TMEM272: variants seen among roughly 807,000 people sequenced by gnomAD.
The protein encoded by TMEM272 is long intergenic non-protein coding RNA 282.
TMEM272 carries 8 observed loss-of-function variants against 3.7 expected under a neutral mutation model. The ratio of observed to expected loss-of-function variants is 2.17; its 90% CI spans 1.27 to 3.91. The LOEUF (loss-of-function observed/expected upper bound fraction) is 3.91. Ranked by LOEUF, TMEM272 falls within the 30% of genes most tolerant of loss-of-function variation. TMEM272 has a pLI of 0.00. For synonymous variants in TMEM272, 63 were observed against 39.8 expected, an observed-to-expected ratio of 1.58 and a Z score of -2.20; for missense variants, 166 against 91.5, an observed-to-expected ratio of 1.81 and a Z score of -3.32.
the TMEM272 span, among the ~76,000 whole-genome samples, chr13:51,905,270 G>C: frequency 2.0e-5 from 3 of 152,204 alleles, no homozygotes; most frequent in Non-Finnish European, 2.9e-5. Context: ...GGGCCCAGAG[G>C]CAGGACTTCA....
chr13:51,834,206 A>G lies in TMEM272; in HGVS notation c.58+4267T>C, dbSNP rs61957367. 8.8e-3 allele frequency among the ~76,000 whole-genome samples: 1,341 copies of G among 152,274 alleles called. 5 individuals carry two copies. Among genetic ancestry groups the G allele is most frequent in the Non-Finnish European group, 0.011 (726 of 68,010 alleles). ...ATCCTCTCGCTTGGAAGAGGGGCGCACTTTTCTTCCAATAAAAGCACCGTC... is the reference window on the plus strand; with the variant it reads ...ATCCTCTCGCTTGGAAGAGGGGCGCGCTTTTCTTCCAATAAAAGCACCGTC... On this transcript the variant is annotated intron_variant, in intron 2 of 4. Coordinates refer to ENST00000629372, the MANE Select transcript of TMEM272 (RefSeq NM_001351003.2).
intron 2 of TMEM272, among the ~76,000 whole-genome samples, chr13:51,829,177 C>T (rs556401697): frequency 6.6e-6 from 1 of 152,236 alleles, no homozygotes; most frequent in South Asian, 2.1e-4. Flanking sequence ...AGTGACTCAA[C>T]ATATGAGTTA....
At chr13:51,871,127 C>G in the TMEM272 span, among the ~76,000 whole-genome samples, 3 of 152,168 alleles carry the variant, frequency 2.0e-5, no homozygotes, top group African/African-American at 4.8e-5. Context: ...TGGACCATCC[C>G]CACCCACACT....
chr13:51,915,631 G>A, the TMEM272 span, among the ~76,000 whole-genome samples: 3 of 152,170 alleles, frequency 2.0e-5, no homozygotes, highest in African/African-American at 7.2e-5. Flanking sequence ...GGTGAGTCAC[G>A]AAGTGGACAG....
At chr13:51,835,814 T>G (rs536476539) in intron 2 of TMEM272, among the ~76,000 whole-genome samples, 20 of 152,346 alleles carry the variant, frequency 1.3e-4, no homozygotes, top group Admixed American at 9.8e-4. Context: ...TCCCTCTGCA[T>G]GCTTTTTAAG....
chr13:51,901,564 A>T, the TMEM272 span, among the ~76,000 whole-genome samples: 19 of 152,076 alleles, frequency 1.2e-4, no homozygotes, highest in African/African-American at 4.6e-4. Flanking sequence ...ACATCAGTTG[A>T]CTTGGGTCAA....
chr13:51,929,206 A>T, the TMEM272 span, among the ~76,000 whole-genome samples: 1 of 152,170 alleles, frequency 6.6e-6, no homozygotes, highest in Non-Finnish European at 1.5e-5. Context: ...AAAAAAAAAA[A>T]GTTATATAAA....
chr13:51,909,041 T>C, the TMEM272 span: 1 of 1,478,564 alleles, frequency 6.8e-7, no homozygotes, highest in Non-Finnish European at 9.4e-7. Flanking sequence ...AAGCTCTCGT[T>C]TCAGATGAAG....
chr13:51,855,685 T>C, the TMEM272 span, among the ~76,000 whole-genome samples: 1 of 151,976 alleles, frequency 6.6e-6, no homozygotes, highest in Non-Finnish European at 1.5e-5. Context: ...GAAGAAAGAA[T>C]AGTGAAATGG....
intron 2 of TMEM272, among the ~76,000 whole-genome samples, chr13:51,832,989 G>A (rs956104292): frequency 1.3e-5 from 2 of 152,192 alleles, no homozygotes; most frequent in Admixed American, 1.3e-4. Flanking sequence ...ATGCAGTGAG[G>A]AAGCCTGGAG....
chr13:51,891,368 T>C, the TMEM272 span, among the ~76,000 whole-genome samples: 1 of 152,244 alleles, frequency 6.6e-6, no homozygotes, highest in Non-Finnish European at 1.5e-5. Flanking sequence ...TGCCATTACC[T>C]GACAGATTCC....
chr13:51,885,571 C>T, the TMEM272 span, among the ~76,000 whole-genome samples: 1 of 152,138 alleles, frequency 6.6e-6, no homozygotes, highest in African/African-American at 2.4e-5. Flanking sequence ...GATTATAATT[C>T]AAGATGAGAT....
chr13:51,895,873 C>G, the TMEM272 span, among the ~76,000 whole-genome samples: 1 of 152,170 alleles, frequency 6.6e-6, no homozygotes, highest in African/African-American at 2.4e-5. Context: ...TACACAACCC[C>G]TGAGACTCAG....
chr13:51,906,507 A>C, the TMEM272 span, among the ~76,000 whole-genome samples: 1 of 152,226 alleles, frequency 6.6e-6, no homozygotes, highest in Non-Finnish European at 1.5e-5. Context: ...TGGGCCCTAA[A>C]GTGGGGAGTA....
chr13:51,919,819 T>G, the TMEM272 span, among the ~76,000 whole-genome samples: 2 of 152,252 alleles, frequency 1.3e-5, no homozygotes, highest in African/African-American at 4.8e-5. Context: ...TGTGACATTT[T>G]CTTGTGCTTG....
chr13:51,907,945 G>A, the TMEM272 span, among the ~76,000 whole-genome samples: 1 of 152,152 alleles, frequency 6.6e-6, no homozygotes. Context: ...CCACCTGCAA[G>A]ATTACATATA....
the TMEM272 span, chr13:51,932,328 G>C: frequency 6.6e-6 from 1 of 152,242 alleles, no homozygotes; most frequent in Admixed American, 6.5e-5. Flanking sequence ...ATGTGTTTGA[G>C]AACAGCCTTT....
At chr13:51,856,400 TA>T in the TMEM272 span, among the ~76,000 whole-genome samples, 14 of 152,276 alleles carry the variant, frequency 9.2e-5, no homozygotes, top group African/African-American at 2.9e-4. Flanking sequence ...GCCCCTCCCA[TA>T]ATCCTAATCT....
the TMEM272 span, among the ~76,000 whole-genome samples, chr13:51,879,428 G>A: frequency 1.3e-5 from 2 of 152,092 alleles, no homozygotes; most frequent in Admixed American, 6.6e-5. Flanking sequence ...CTACTGCCAC[G>A]ACTCACCATC....
Sources: allele counts gnomAD v4.1 joint callset (sites outside exome capture counted in the v4.1 genomes callset), GRCh38; gene constraint gnomAD v4.1.1; transcripts MANE v1.5; gene names NCBI Gene and HGNC (gene_info 2026-07-23, HGNC 2026-07-21).